Variants in EPHA6 observed in about 807,000 individuals in gnomAD.
EPHA6 encodes the protein ephrin type-A receptor 6.
Under a neutral mutation model 112.0 loss-of-function variants are expected in EPHA6, and 50 were observed. The ratio of observed to expected loss-of-function variants is 0.45; its 90% CI spans 0.36 to 0.56. The LOEUF is 0.56. Ranked by LOEUF, EPHA6 falls within the 20% of genes least tolerant of loss-of-function variation. The probability of loss-of-function intolerance (pLI) is 0.00; values close to 1 mark genes in which losing one functional copy is unlikely to be tolerated. For synonymous variants in EPHA6, 529 were observed against 490.7 expected (o/e 1.08, Z -1.03); for missense variants, 1,280 against 1,417.4 (o/e 0.90, Z 1.56).
chr3:97,364,223 A>T (rs1404517003), intron 5 of EPHA6, among the ~76,000 whole-genome samples: 1 of 152,098 alleles, frequency 6.6e-6, no homozygotes. Flanking sequence ...TTTGAGAAAA[A>T]TTACGAGGAC....
intron 11 of EPHA6, among the ~76,000 whole-genome samples, chr3:97,550,086 A>T (rs1047082715): frequency 6.6e-6 from 1 of 152,230 alleles, no homozygotes; most frequent in Non-Finnish European, 1.5e-5. Context: ...GGAAACAGAT[A>T]CCAGAAAGGA....
chr3:97,088,492 G>C (rs761508629), intron 3 of EPHA6, among the ~76,000 whole-genome samples: 4 of 152,136 alleles, frequency 2.6e-5, no homozygotes, highest in Non-Finnish European at 4.4e-5. Context: ...CTCTGGAGAA[G>C]CAAGTCTGAA....
chr3:97,021,172 A>G (rs1385201531), intron 3 of EPHA6, among the ~76,000 whole-genome samples: 1 of 152,188 alleles, frequency 6.6e-6, no homozygotes, highest in Non-Finnish European at 1.5e-5. Flanking sequence ...TTAATTTCAT[A>G]GGTTAAACTT....
chr3:97,238,498 A>C (rs1317720792), intron 4 of EPHA6, among the ~76,000 whole-genome samples: 2 of 151,954 alleles, frequency 1.3e-5, no homozygotes, highest in Non-Finnish European at 2.9e-5. Flanking sequence ...TGTGCCTATG[A>C]AAAAAATTAC....
intron 13 of EPHA6, among the ~76,000 whole-genome samples, chr3:97,611,204 A>T (rs1326452240): frequency 6.6e-6 from 1 of 151,810 alleles, no homozygotes; most frequent in Non-Finnish European, 1.5e-5. Flanking sequence ...TTAACTATGT[A>T]GTATGATATT....
chr3:97,046,618 C>G (rs1204875523), intron 3 of EPHA6, among the ~76,000 whole-genome samples: 1 of 151,826 alleles, frequency 6.6e-6, no homozygotes, highest in East Asian at 1.9e-4. Context: ...GTAGAAAATC[C>G]AAGATAAAGA....
chr3:97,281,222 TGTGTGTGCGC>T (rs1559849253), intron 5 of EPHA6, among the ~76,000 whole-genome samples: 1 of 143,100 alleles, frequency 7.0e-6, no homozygotes, highest in African/African-American at 2.9e-5. Flanking sequence ...TGTGTGTGTG[TGTGTGTGCGC>T]GCGTGTGTGC....
intron 5 of EPHA6, among the ~76,000 whole-genome samples, chr3:97,329,526 G>T (rs1405669853): frequency 1.3e-5 from 2 of 150,222 alleles, no homozygotes; most frequent in Admixed American, 6.6e-5. Flanking sequence ...GTGTGAGATG[G>T]TATCTCATTG....
At chr3:97,038,850 G>A (rs1426501511) in intron 3 of EPHA6, among the ~76,000 whole-genome samples, 4 of 152,026 alleles carry the variant, frequency 2.6e-5, no homozygotes, top group African/African-American at 4.8e-5. Context: ...GAAGGGCATC[G>A]CAGATATGGA....
intron 11 of EPHA6, among the ~76,000 whole-genome samples, chr3:97,578,434 C>G (rs1359407064): frequency 1.3e-5 from 2 of 152,214 alleles, no homozygotes; most frequent in Admixed American, 1.3e-4. Context: ...CATTTCCACT[C>G]ACTGATCACA....
intron 11 of EPHA6, among the ~76,000 whole-genome samples, chr3:97,577,227 G>C (rs1040383009): frequency 6.6e-6 from 1 of 152,092 alleles, no homozygotes; most frequent in African/African-American, 2.4e-5. Context: ...AATTGTAAAC[G>C]TAGAGTTGGA....
chr3:97,542,358 C>T (rs1009869844), intron 11 of EPHA6, among the ~76,000 whole-genome samples: 1 of 151,980 alleles, frequency 6.6e-6, no homozygotes, highest in Non-Finnish European at 1.5e-5. Context: ...GGTTTTTTGT[C>T]CTTCTGATAT....
intron 3 of EPHA6, among the ~76,000 whole-genome samples, 170 bp from the exon 4 acceptor site, chr3:97,226,094 T>G (rs1404635588): frequency 6.6e-6 from 1 of 152,204 alleles, no homozygotes; most frequent in Non-Finnish European, 1.5e-5. Context: ...TTTTATTAAC[T>G]CTCAATAACT....
chr3:97,138,669 A>T (rs1167528587), intron 3 of EPHA6, among the ~76,000 whole-genome samples: 1 of 152,208 alleles, frequency 6.6e-6, no homozygotes. Flanking sequence ...TTGTAATCTA[A>T]TCTCAAACCA....
chr3:97,467,089 T>C (rs927279889), intron 7 of EPHA6, among the ~76,000 whole-genome samples: 1 of 151,858 alleles, frequency 6.6e-6, no homozygotes, highest in Non-Finnish European at 1.5e-5. Context: ...ATTACAACTA[T>C]GATCTGCATC....
intron 3 of EPHA6, among the ~76,000 whole-genome samples, chr3:97,217,221 C>A (rs2078059818): frequency 6.6e-6 from 1 of 152,048 alleles, no homozygotes; most frequent in Non-Finnish European, 1.5e-5. Flanking sequence ...GTCAGTATGA[C>A]AGAGAAAAGG....
intron 3 of EPHA6, among the ~76,000 whole-genome samples, chr3:97,151,740 A>G (rs2076175857): frequency 6.6e-6 from 1 of 152,246 alleles, no homozygotes; most frequent in African/African-American, 2.4e-5. Flanking sequence ...TATTACTTGA[A>G]AATTTAATGT....
intron 3 of EPHA6, among the ~76,000 whole-genome samples, chr3:97,039,675 G>A (rs1231269848): frequency 6.6e-6 from 1 of 151,804 alleles, no homozygotes; most frequent in African/African-American, 2.4e-5. Context: ...GAAATAAGAT[G>A]GTTTTTCAAT....
intron 3 of EPHA6, among the ~76,000 whole-genome samples, chr3:97,171,789 C>G (rs192320413): frequency 6.6e-6 from 1 of 152,058 alleles, no homozygotes; most frequent in Admixed American, 6.6e-5. Context: ...AAGCCTATGT[C>G]ATTTGTCAAA....
Sources: allele counts gnomAD v4.1 joint callset (sites outside exome capture counted in the v4.1 genomes callset), GRCh38; gene constraint gnomAD v4.1.1; transcripts MANE v1.5; gene names NCBI Gene and HGNC (gene_info 2026-07-23, HGNC 2026-07-21).